The following CTNNA3 variants were observed in gnomAD, a reference collection of about 807,000 sequenced individuals.
CTNNA3 encodes catenin alpha 3.
A neutral mutation model predicts 95.7 loss-of-function variants in CTNNA3; 76 were observed. The observed-to-expected ratio is 0.79, with a 90% CI of 0.66 to 0.96. The LOEUF (loss-of-function observed/expected upper bound fraction) is 0.96, where lower values mean the gene tolerates loss of function less well. CTNNA3 is among the 40% of genes least tolerant of loss of function. The pLI is 0.00. For synonymous variants in CTNNA3, 431 were observed against 374.4 expected (o/e 1.15, Z -1.74); for missense variants, 1,191 against 1,089.8 (o/e 1.09, Z -1.31).
intron 7 of CTNNA3, among the ~76,000 whole-genome samples, chr10:66,969,039 A>G (rs1308535108): frequency 1.3e-5 from 2 of 151,852 alleles, no homozygotes; most frequent in East Asian, 1.9e-4. Flanking sequence ...TAAATAAACA[A>G]ATATTATATG....
In CTNNA3 at chr10:67,002,013, G is replaced by A. The variant is rs1318197796; in HGVS notation, c.1047+178304C>T. 8.5e-5 allele frequency among the ~76,000 whole-genome samples: 13 copies of A among 152,136 alleles called. 1 individual carries two copies. The highest frequency in any genetic ancestry group is 8.5e-4 in the Admixed American group (13 of 15,274). ...ATGAGTCTTAGAGTCCGAAGACCTA[G>A]GTTCCGAGGAGGTCACCGTCTGGTT... On this transcript the variant is annotated intron_variant, in intron 7 of 17. Coordinates refer to ENST00000433211, the MANE Select transcript of CTNNA3 (RefSeq NM_013266.4).
chr10:67,457,828 C>G (rs1299312643), intron 5 of CTNNA3, among the ~76,000 whole-genome samples: 1 of 152,112 alleles, frequency 6.6e-6, no homozygotes, highest in Non-Finnish European at 1.5e-5. Flanking sequence ...TCTCTCCTGC[C>G]TCTCTCTTCC....
chr10:67,662,132 TG>T lies in CTNNA3; in HGVS notation c.-5-14615del, dbSNP rs1388894958. Among the ~76,000 whole-genome samples, 6 of 152,216 alleles carry T rather than the reference TG, an allele frequency of 3.9e-5. No homozygotes were observed. In the East Asian group the frequency reaches 1.2e-3, roughly 29 times the overall value. ...ATAAGACAGTCATCCCCCCAATCCT[TG>T]GGGGATATGTTCCAAGACCCCCAGT... On this transcript the variant is annotated intron_variant, in intron 1 of 17. Transcript: ENST00000433211.
chr10:67,587,193 T>TGTG (rs1842653827), intron 3 of CTNNA3, among the ~76,000 whole-genome samples: 29 of 130,156 alleles, frequency 2.2e-4, no homozygotes, highest in African/African-American at 6.2e-4. Flanking sequence ...CCCAGCTAAC[T>TGTG]TGTGTGTGTG....
At chr10:66,980,779 T>C (rs945064917) in intron 7 of CTNNA3, among the ~76,000 whole-genome samples, 11 of 152,238 alleles carry the variant, frequency 7.2e-5, no homozygotes, top group African/African-American at 2.2e-4. Context: ...AACCTTCATG[T>C]ACAAGAGTGT....
intron 7 of CTNNA3, among the ~76,000 whole-genome samples, chr10:66,901,860 G>A (rs1462900566): frequency 6.6e-6 from 1 of 152,152 alleles, no homozygotes; most frequent in African/African-American, 2.4e-5. Flanking sequence ...CAATACAGGA[G>A]CACCCAGATT....
chr10:66,762,506 C>T (rs1169446678), intron 9 of CTNNA3, among the ~76,000 whole-genome samples: 3 of 151,876 alleles, frequency 2.0e-5, no homozygotes, highest in Middle Eastern at 6.8e-3. Context: ...ACCATCATTA[C>T]CCATGATCAT....
At chr10:66,801,727 G>C (rs955464716) in intron 7 of CTNNA3, among the ~76,000 whole-genome samples, 1 of 151,394 alleles carries the variant, frequency 6.6e-6, no homozygotes, top group Non-Finnish European at 1.5e-5. Flanking sequence ...AATCCAGCAG[G>C]CTTTTATTTC....
At chr10:67,385,489 T>G (rs1435338166) in intron 5 of CTNNA3, among the ~76,000 whole-genome samples, 1 of 152,208 alleles carries the variant, frequency 6.6e-6, no homozygotes, top group Non-Finnish European at 1.5e-5. Context: ...TGATCACACA[T>G]TCATCAAAGT....
rs1484367682 is a variant in CTNNA3 at position 66,805,869 on chromosome 10, C to A, written c.1048-30345G>T. On this transcript the variant is annotated intron_variant, in intron 7 of 17. Coordinates refer to ENST00000433211, the MANE Select transcript of CTNNA3 (RefSeq NM_013266.4). The stretch of plus-strand genomic sequence containing the variant: ...CTGAGAGAATGAAATGTAACAGGGA[C>A]AGTGTGAGCAGCTAGAAAAGTATTT... Among the ~76,000 whole-genome samples the A allele has an allele frequency of 8.6e-5, 13 of 151,986 alleles. No individual in the cohort carries two copies. In the East Asian group the frequency reaches 2.5e-3, roughly 29 times the overall value.
chr10:67,705,634 G>A (rs1203087823), intron 1 of CTNNA3, among the ~76,000 whole-genome samples: 1 of 114,912 alleles, frequency 8.7e-6, no homozygotes, highest in African/African-American at 3.3e-5. Context: ...GTTGTGGGGT[G>A]GGGGGAGGGG....
intron 7 of CTNNA3, among the ~76,000 whole-genome samples, chr10:66,897,873 G>A (rs990079243): frequency 1.1e-3 from 169 of 152,234 alleles, no homozygotes; most frequent in African/African-American, 4.0e-3. Flanking sequence ...CAGTGACTAA[G>A]TGAGAAATGA....
At chr10:67,285,544 T>C (rs1419828992) in intron 5 of CTNNA3, among the ~76,000 whole-genome samples, 1 of 152,142 alleles carries the variant, frequency 6.6e-6, no homozygotes, top group Non-Finnish European at 1.5e-5. Context: ...AATGAATAAA[T>C]TCTCAAATAG....
chr10:66,194,368 T>G (rs2086839423), intron 13 of CTNNA3, among the ~76,000 whole-genome samples: 1 of 152,066 alleles, frequency 6.6e-6, no homozygotes, highest in Admixed American at 6.6e-5. Flanking sequence ...TCACCTGAGG[T>G]CAGGAGTTCA....
At chr10:67,167,062 G>A (rs546268625) in intron 7 of CTNNA3, among the ~76,000 whole-genome samples, 57 of 151,786 alleles carry the variant, frequency 3.8e-4, no homozygotes, top group African/African-American at 1.3e-3. Context: ...AGCCAAGATC[G>A]TGCCATGGCA....
intron 7 of CTNNA3, among the ~76,000 whole-genome samples, chr10:67,029,595 T>C (rs555427310): frequency 6.6e-6 from 1 of 152,224 alleles, no homozygotes; most frequent in Admixed American, 6.5e-5. Flanking sequence ...TATTTAAAAC[T>C]TACGTAGGTT....
intron 7 of CTNNA3, among the ~76,000 whole-genome samples, chr10:67,020,089 G>A (rs561954221): frequency 2.9e-4 from 44 of 152,212 alleles, no homozygotes; most frequent in Non-Finnish European, 4.7e-4. Flanking sequence ...TTGCAGCACA[G>A]TCCCAAATCG....
chr10:67,483,381 T>C (rs1175009418), intron 5 of CTNNA3, among the ~76,000 whole-genome samples: 10 of 145,664 alleles, frequency 6.9e-5, no homozygotes, highest in East Asian at 4.3e-4. Flanking sequence ...TGTCCAACAA[T>C]GATAGACTGG....
intron 13 of CTNNA3, among the ~76,000 whole-genome samples, chr10:66,191,846 T>A (rs1456410757): frequency 6.6e-6 from 1 of 152,158 alleles, no homozygotes; most frequent in African/African-American, 2.4e-5. Flanking sequence ...GCAACAGTGT[T>A]GAGAGGTAGG....
Sources: gnomAD v4.1 joint callset for allele counts (sites outside exome capture counted in the v4.1 genomes callset) on GRCh38, gnomAD v4.1.1 for gene constraint, MANE v1.5 for transcripts, NCBI Gene and HGNC (gene_info 2026-07-23, HGNC 2026-07-21) for gene names.